Variants in AGAP2 observed in about 807,000 individuals in gnomAD.
The protein encoded by AGAP2 is ArfGAP with GTPase domain, ankyrin repeat and PH domain 2.
A neutral mutation model predicts 110.9 loss-of-function variants in AGAP2; 32 were observed. The observed-to-expected ratio is 0.29, with a 90% confidence interval of 0.22 to 0.39. The LOEUF (loss-of-function observed/expected upper bound fraction) is 0.39, where lower values mean the gene tolerates loss of function less well. Ranked by LOEUF, AGAP2 falls within the 10% of genes least tolerant of loss-of-function variation. AGAP2 has a pLI of 1.00. For synonymous variants in AGAP2, 702 were observed against 713.0 expected, an observed-to-expected ratio of 0.98 and a Z score of 0.25; for missense variants, 1,285 against 1,638.5, an observed-to-expected ratio of 0.78 and a Z score of 3.72.
chr12:57,741,910 A>C, upstream of AGAP2: 1 of 1,612,198 alleles, frequency 6.2e-7, no homozygotes, highest in Non-Finnish European at 8.5e-7. Context: ...CCTTTCTCTT[A>C]CCTCGAATGC....
Position 57,730,606 on chromosome 12 carries a change from T to A in AGAP2, c.2317A>T (p.Thr773Ser), listed in dbSNP as rs1303653773. The A allele has an allele frequency of 2.5e-6, 4 of 1,612,950 alleles. No individual in the cohort carries two copies. The highest frequency in any genetic ancestry group is 8.5e-7 in the Non-Finnish European group (1 of 1,179,560). Reference protein sequence around the residue: ...VQMGEGLEATTPMPSPSPSPS... With the variant: ...VQMGEGLEATSPMPSPSPSPS... Reference sequence around the variant, plus strand: ...CTGGGGCTAGGGCTTGGCATGGGAGTAGTGGCTTCTGTCGGAAGAAGATGA... The same window carrying A: ...CTGGGGCTAGGGCTTGGCATGGGAGAAGTGGCTTCTGTCGGAAGAAGATGA... The change falls in exon 12 of 19, where the codon ACT (threonine) becomes TCT (serine). Residue 773 changes from threonine (T) to serine (S), a missense_variant. Thr to Ser is a moderately conservative substitution (Grantham distance 58). Coordinates refer to ENST00000547588, the MANE Select transcript of AGAP2 (RefSeq NM_001122772.3).
chr12:57,732,862 T>C lies in AGAP2; in HGVS notation c.1667A>G (p.Asp556Gly). ...ACACTCACCCTCCTGGAAGACCCGA[T>C]CCACATTGAGCCCATAGGTTGCACA... ...ETCATYGLNVDRVFQEVAQKV... is the reference protein window; with the variant it reads ...ETCATYGLNVGRVFQEVAQKV... Residue 556 changes from aspartate (D) to glycine (G), a missense_variant, in exon 6 of 19, where the codon GAT (aspartate) becomes GGT (glycine). This residue lies in a region of AGAP2 where 844 missense variants were observed against 941.2 expected (regional missense o/e 0.90). Coordinates refer to ENST00000547588, the MANE Select transcript of AGAP2 (RefSeq NM_001122772.3). The C allele has an allele frequency of 6.2e-7, 1 of 1,613,884 alleles. No homozygotes were observed. Among genetic ancestry groups the C allele is most frequent in the Non-Finnish European group, 8.5e-7 (1 of 1,180,012 alleles).
At position 57,732,415 on chromosome 12, in the gene AGAP2, C is replaced by T. The variant is rs776594813; in HGVS notation, c.1782G>A (p.Pro594=). The stretch of plus-strand genomic sequence containing the variant: ...AACCCCAACTCACCTGGCCAGCTAC[C>T]GGAGTGGATGCAGCTGAGTGGCTTG... The part of the protein sequence containing the change: ...SSPSHSAAST[P]VAGQASNGGH... Residue 594 remains proline, a synonymous_variant, in exon 7 of 19, where the codon CCG becomes CCA. Transcript: ENST00000547588. 34 of 1,603,364 alleles carry T rather than the reference C, an allele frequency of 2.1e-5. No homozygotes were observed. Among genetic ancestry groups the T allele is most frequent in the Admixed American group, 5.1e-5 (3 of 58,902 alleles).
At chr12:57,727,640 CA>C (rs1226547754) in intron 16 of AGAP2, 40 bp downstream of exon 16, 4 of 1,591,072 alleles carry the variant, frequency 2.5e-6, no homozygotes, top group Non-Finnish European at 2.6e-6. Context: ...CCCCGGCATT[CA>C]CTACACTCCC....
rs757197908 is a variant in AGAP2 at position 57,737,449 on chromosome 12, C to A, written c.798G>T (p.Leu266Phe). 1 of 1,613,262 alleles carries A rather than the reference C, an allele frequency of 6.2e-7. No individual in the cohort carries two copies. The highest frequency in any genetic ancestry group is 8.5e-7 in the Non-Finnish European group (1 of 1,179,690). The change falls in exon 1 of 19, where the codon TTG (leucine) becomes TTT (phenylalanine). Residue 266 changes from leucine (L) to phenylalanine (F), a missense_variant. Leu to Phe is a conservative substitution (Grantham distance 22). Coordinates refer to ENST00000547588, the MANE Select transcript of AGAP2 (RefSeq NM_001122772.3). The surrounding 1 kb of genome is among the most constrained non-coding windows in gnomAD (Gnocchi z 5.9). Reference sequence around the variant, plus strand: ...TCTTACTCTTGCCTTTCCGAGGGGACAACTTCCCTCGGGCTCCAGCCCCAG... The same window carrying A: ...TCTTACTCTTGCCTTTCCGAGGGGAAAACTTCCCTCGGGCTCCAGCCCCAG... ...VGAGAGARGK[L>F]SPRKGKSKTL...
At chr12:57,724,035 TC>T (rs1333618144), downstream of AGAP2, 2 of 152,374 alleles carry the variant, frequency 1.3e-5, no homozygotes, top group African/African-American at 2.4e-5. Flanking sequence ...CTTTGCTACC[TC>T]CCCCCTCTTG....
At chr12:57,728,972 A>C (rs898731655) in intron 13 of AGAP2, among the ~76,000 whole-genome samples, 1 of 152,006 alleles carries the variant, frequency 6.6e-6, no homozygotes, top group South Asian at 2.1e-4. Context: ...TCAGGAGATC[A>C]AGACCATCCT....
At chr12:57,736,823 A>C (rs969580627) in intron 1 of AGAP2, among the ~76,000 whole-genome samples, 5 of 152,192 alleles carry the variant, frequency 3.3e-5, no homozygotes, top group Non-Finnish European at 7.3e-5. Flanking sequence ...ACTCTGATCA[A>C]GGACGTTACT....
chr12:57,740,613 C>T (rs180943518), upstream of AGAP2, among the ~76,000 whole-genome samples: 781 of 152,258 alleles, frequency 5.1e-3, 1 homozygote, highest in Middle Eastern at 0.02. Flanking sequence ...CCGCTCTTCT[C>T]CTTTATTATT....
At position 57,725,618 on chromosome 12, in the gene AGAP2, A is replaced by G. The variant is rs1954747675; in HGVS notation, c.*934T>C. On this transcript the variant is annotated 3_prime_UTR_variant, in exon 19 of 19. Coordinates refer to ENST00000547588, the MANE Select transcript of AGAP2 (RefSeq NM_001122772.3). ...GGGTCCCACTGTAGGGGTGCCCCCTACCCCAGATCACCACGGGCGCTGCAC... is the reference window on the plus strand; with the variant it reads ...GGGTCCCACTGTAGGGGTGCCCCCTGCCCCAGATCACCACGGGCGCTGCAC... 1 of 151,868 alleles carries G rather than the reference A, an allele frequency of 6.6e-6. No individual in the cohort carries two copies. Among genetic ancestry groups the G allele is most frequent in the Non-Finnish European group, 1.5e-5 (1 of 68,038 alleles). The allele number at this position is 151,868 out of a possible 1,614,324, so 9.4% of individuals were successfully genotyped here.
rs915019120 is a variant in AGAP2, at chr12:57,732,857, C to T, written c.1672G>A (p.Val558Ile). 7.4e-6 allele frequency: 12 copies of T among 1,613,892 alleles called. No homozygotes were observed. Among genetic ancestry groups the T allele is most frequent in the Non-Finnish European group, 1.0e-5 (12 of 1,180,036 alleles). ...TCACTACACTCACCCTCCTGGAAGA[C>T]CCGATCCACATTGAGCCCATAGGTT... ...CATYGLNVDR[V>I]FQEVAQKVVT... Residue 558 changes from valine (V) to isoleucine (I), a missense_variant, in exon 6 of 19, where the codon GTC (valine) becomes ATC (isoleucine). Val to Ile is a conservative substitution (Grantham distance 29, BLOSUM62 3). Coordinates refer to ENST00000547588, the MANE Select transcript of AGAP2 (RefSeq NM_001122772.3).
upstream of AGAP2, among the ~76,000 whole-genome samples, chr12:57,741,453 G>A (rs1166855593): frequency 2.0e-5 from 3 of 150,320 alleles, no homozygotes; most frequent in African/African-American, 4.9e-5. Context: ...ATGTGCATGC[G>A]TGTGTGTGTG....
chr12:57,726,820 C>T lies in AGAP2; in HGVS notation c.3337-26G>A. The stretch of plus-strand genomic sequence containing the variant: ...CTAGAGGGCGGAAACGGCCGCGTGA[C>T]CGCGCGTCCCCAGGGCGCCCACACC... On this transcript the variant is annotated intron_variant, in intron 18 of 18. Coordinates refer to ENST00000547588, the MANE Select transcript of AGAP2 (RefSeq NM_001122772.3). This position sits in a 1 kb window ranked among gnomAD's most constrained non-coding sequence, Gnocchi z 5.7. 1 of 1,430,002 alleles carries T rather than the reference C, an allele frequency of 7.0e-7. No homozygotes were observed. The allele number at this position is 1,430,002 out of a possible 1,614,324, so 88.6% of individuals were successfully genotyped here. A position where few individuals can be genotyped will look rare whatever the true frequency, so the allele number is the denominator to read the frequency against.
At position 57,729,277 on chromosome 12, in the gene AGAP2, A is replaced by T. The variant is rs181198465; in HGVS notation, c.2557+362T>A. On this transcript the variant is annotated intron_variant, in intron 13 of 18. Transcript: ENST00000547588. ...CCAGGATCTGGGGAATCAGTGGGAG[A>T]TGCTGAGATAAGGGGCTGAATCACT... is the stretch of plus-strand genomic sequence containing the variant. Among the ~76,000 whole-genome samples, 171 of 149,850 alleles carry T rather than the reference A, an allele frequency of 1.1e-3. 1 individual carries two copies. Among genetic ancestry groups the T allele is most frequent in the Non-Finnish European group, 4.4e-4 (30 of 67,574 alleles).
intron 5 of AGAP2, 111 bp downstream of exon 5, chr12:57,733,915 A>G: frequency 7.7e-7 from 1 of 1,301,824 alleles, no homozygotes. Context: ...GGGTACTATA[A>G]TCCAAGTGGC....
At chr12:57,732,330 T>C (rs549774390) in intron 7 of AGAP2, 73 bp downstream of exon 7, 2 of 1,390,378 alleles carry the variant, frequency 1.4e-6, no homozygotes, top group African/African-American at 2.8e-5. Flanking sequence ...TTGGGTACTC[T>C]GTACCTGTCC....
rs570339289 is a variant in AGAP2, at chr12:57,728,217, TG to T, written c.2617+100del. On this transcript the variant is annotated intron_variant, in intron 14 of 18. Transcript: ENST00000547588. Reference sequence around the variant, plus strand: ...CAGTGGGGGTAGGGAAAGCAGAGGGTGGGGGGCAGCAGGAAGCCCGAGCACA... The same window carrying T: ...CAGTGGGGGTAGGGAAAGCAGAGGGTGGGGGCAGCAGGAAGCCCGAGCACA... The T allele has an allele frequency of 4.6e-6, 7 of 1,506,842 alleles. No individual in the cohort carries two copies. The African/African-American group carries it at 6.9e-5, about 15-fold the overall frequency. The allele number at this position is 1,506,842 out of a possible 1,614,324, so 93.3% of individuals were successfully genotyped here.
chr12:57,730,194 A>G (rs1394496357), intron 12 of AGAP2, among the ~76,000 whole-genome samples: 1 of 152,190 alleles, frequency 6.6e-6, no homozygotes, highest in African/African-American at 2.4e-5. Context: ...TTAAACCTCA[A>G]AGCAACCCTC....
chr12:57,736,472 G>T (rs1181656667), intron 1 of AGAP2, among the ~76,000 whole-genome samples: 1 of 152,134 alleles, frequency 6.6e-6, no homozygotes, highest in Non-Finnish European at 1.5e-5. Context: ...GGTGGGCAGT[G>T]GGGGAAGTGA....
Sources: allele counts gnomAD v4.1 joint callset (sites outside exome capture counted in the v4.1 genomes callset), GRCh38; gene constraint gnomAD v4.1.1; regional missense constraint gnomAD v4.1.1; non-coding constraint Gnocchi (gnomAD v3.1); transcripts MANE v1.5; gene names NCBI Gene and HGNC (gene_info 2026-07-23, HGNC 2026-07-21).